Variants in KCND2 observed in about 807,000 individuals in gnomAD.
The protein encoded by KCND2 is A-type voltage-gated potassium channel KCND2.
KCND2 carries 16 observed loss-of-function variants against 54.4 expected under a neutral mutation model. The ratio of observed to expected loss-of-function variants is 0.29; its 90% CI spans 0.20 to 0.45. KCND2 has a LOEUF of 0.45. Among genes scored for constraint, KCND2 ranks in the 20% least tolerant of loss-of-function variants. KCND2 has a pLI of 1.00. For missense variants in KCND2, 486 were observed against 824.2 expected, an observed-to-expected ratio of 0.59 and a Z score of 5.02; for synonymous variants, 317 against 310.7, an observed-to-expected ratio of 1.02 and a Z score of -0.21.
At chr7:120,462,675 T>C (rs564838128) in intron 1 of KCND2, among the ~76,000 whole-genome samples, 3 of 152,108 alleles carry the variant, frequency 2.0e-5, no homozygotes, top group African/African-American at 7.2e-5. Flanking sequence ...TCATTTACCT[T>C]GTTACCTTAT....
intron 1 of KCND2, among the ~76,000 whole-genome samples, chr7:120,630,347 A>G (rs1401103945): frequency 6.6e-6 from 1 of 152,106 alleles, no homozygotes; most frequent in Non-Finnish European, 1.5e-5. Flanking sequence ...TGAAAAGTTA[A>G]AGTTGCTGTT....
intron 1 of KCND2, among the ~76,000 whole-genome samples, chr7:120,357,808 C>G (rs1041065194): frequency 6.6e-6 from 1 of 152,122 alleles, no homozygotes; most frequent in Admixed American, 6.6e-5. Flanking sequence ...GATGGTGCCT[C>G]TGTCTCCTCT....
At chr7:120,734,208 C>T (rs936038373) in intron 2 of KCND2, among the ~76,000 whole-genome samples, 1 of 152,072 alleles carries the variant, frequency 6.6e-6, no homozygotes, top group Non-Finnish European at 1.5e-5. Context: ...CAGTTGGCCC[C>T]CTTTGATTGG....
intron 1 of KCND2, among the ~76,000 whole-genome samples, chr7:120,597,732 G>A (rs920822969): frequency 6.6e-6 from 1 of 152,100 alleles, no homozygotes; most frequent in African/African-American, 2.4e-5. Context: ...AAAGATCTTG[G>A]GAGAGTATCC....
At chr7:120,352,057 C>A (rs922769880) in intron 1 of KCND2, among the ~76,000 whole-genome samples, 3 of 152,040 alleles carry the variant, frequency 2.0e-5, no homozygotes, top group African/African-American at 4.8e-5. Flanking sequence ...TGCTCCTCAG[C>A]CTCCCAAGTA....
In KCND2 at chr7:120,618,591, T is replaced by A. The variant is rs554615417; in HGVS notation, c.1116-114312T>A. ...GCCATTGTTTCACAAAGAAAATACA[T>A]ACAATTATTTTAGAAAAGTGCAGGC... On this transcript the variant is annotated intron_variant, in intron 1 of 5. Coordinates refer to ENST00000331113, the MANE Select transcript of KCND2 (RefSeq NM_012281.3). Among the ~76,000 whole-genome samples the A allele has an allele frequency of 3.5e-4, 53 of 152,262 alleles. 1 individual carries two copies. The highest frequency in any genetic ancestry group is 1.2e-3 in the African/African-American group (50 of 41,552).
chr7:120,688,730 A>G (rs954318173), intron 1 of KCND2, among the ~76,000 whole-genome samples: 1 of 152,158 alleles, frequency 6.6e-6, no homozygotes, highest in Non-Finnish European at 1.5e-5. Flanking sequence ...TCTTGATCTC[A>G]TGGCATAATC....
intron 1 of KCND2, among the ~76,000 whole-genome samples, chr7:120,443,388 A>AAG (rs1563047708): frequency 8.3e-5 from 12 of 144,896 alleles, no homozygotes; most frequent in Admixed American, 3.5e-4. Context: ...ATAATAATAA[A>AAG]GTAATTGCTT....
At chr7:120,713,030 T>G (rs979359373) in intron 1 of KCND2, among the ~76,000 whole-genome samples, 1 of 152,194 alleles carries the variant, frequency 6.6e-6, no homozygotes, top group Non-Finnish European at 1.5e-5. Flanking sequence ...CTGCAAGAAT[T>G]TAGCCTTGCT....
At chr7:120,667,632 T>A (rs67794084) in intron 1 of KCND2, among the ~76,000 whole-genome samples, 1 of 151,684 alleles carries the variant, frequency 6.6e-6, no homozygotes, top group East Asian at 1.9e-4. Context: ...AGAAATACTG[T>A]CAAGCAAGAG....
intron 1 of KCND2, among the ~76,000 whole-genome samples, chr7:120,312,787 A>T (rs761348840): frequency 2.0e-5 from 3 of 152,190 alleles, no homozygotes; most frequent in Non-Finnish European, 2.9e-5. Flanking sequence ...TAGTCCTAGA[A>T]ATAATAGCCA....
intron 1 of KCND2, among the ~76,000 whole-genome samples, chr7:120,682,012 T>C (rs992201347): frequency 2.6e-5 from 4 of 152,058 alleles, no homozygotes; most frequent in Non-Finnish European, 5.9e-5. Flanking sequence ...GATAAAATCC[T>C]ATAAAATGTA....
chr7:120,551,953 T>G (rs1159903898), intron 1 of KCND2, among the ~76,000 whole-genome samples: 1 of 152,178 alleles, frequency 6.6e-6, no homozygotes, highest in Admixed American at 6.5e-5. Flanking sequence ...CTAGTGCTTG[T>G]TGTTGCAATG....
intron 1 of KCND2, among the ~76,000 whole-genome samples, chr7:120,290,469 G>A (rs185043536): frequency 1.1e-4 from 16 of 151,988 alleles, no homozygotes; most frequent in African/African-American, 3.6e-4. Flanking sequence ...CTATATTTCT[G>A]TGCTATTTTT....
At chr7:120,465,653 T>C (rs1802357550) in intron 1 of KCND2, among the ~76,000 whole-genome samples, 1 of 152,080 alleles carries the variant, frequency 6.6e-6, no homozygotes, top group Non-Finnish European at 1.5e-5. Context: ...GAAGTGGAGC[T>C]GCCTAGCAGT....
At chr7:120,460,195 A>G (rs1802263907) in intron 1 of KCND2, among the ~76,000 whole-genome samples, 1 of 152,118 alleles carries the variant, frequency 6.6e-6, no homozygotes, top group Non-Finnish European at 1.5e-5. Flanking sequence ...CCCCTTAGAC[A>G]GTGTTATTAA....
intron 1 of KCND2, among the ~76,000 whole-genome samples, chr7:120,692,918 T>C (rs1459982057): frequency 6.6e-6 from 1 of 152,210 alleles, no homozygotes; most frequent in Non-Finnish European, 1.5e-5. Context: ...CCCACTGTTT[T>C]GAACTCCAAG....
At chr7:120,575,616 C>T (rs530363848) in intron 1 of KCND2, among the ~76,000 whole-genome samples, 6 of 152,266 alleles carry the variant, frequency 3.9e-5, no homozygotes, top group South Asian at 4.1e-4. Context: ...TTAACTATAG[C>T]GTAAATTCTC....
intron 1 of KCND2, among the ~76,000 whole-genome samples, chr7:120,504,894 C>T (rs1282454670): frequency 2.0e-5 from 3 of 151,208 alleles, no homozygotes; most frequent in Admixed American, 1.3e-4. Flanking sequence ...TTTTTTAGCA[C>T]GTGAGTAGGT....
Sources: allele counts gnomAD v4.1 joint callset (sites outside exome capture counted in the v4.1 genomes callset), GRCh38; gene constraint gnomAD v4.1.1; transcripts MANE v1.5; gene names NCBI Gene and HGNC (gene_info 2026-07-23, HGNC 2026-07-21).